Variants in ELP3 observed in about 807,000 individuals in gnomAD.
ELP3 encodes elongator complex protein 3.
Under a neutral mutation model 74.9 loss-of-function variants are expected in ELP3, and 56 were observed. That is an observed-to-expected ratio of 0.75 (90% CI 0.60 to 0.93). ELP3 has a LOEUF of 0.93. Ranked by LOEUF, ELP3 falls within the 40% of genes least tolerant of loss-of-function variation. ELP3 has a pLI of 0.00. For missense variants in ELP3, 573 were observed against 686.5 expected, an observed-to-expected ratio of 0.83 and a Z score of 1.85; for synonymous variants, 222 against 239.8, an observed-to-expected ratio of 0.93 and a Z score of 0.68.
chr8:28,189,978 T>C lies in ELP3; in HGVS notation c.*253T>C. On this transcript the variant is annotated 3_prime_UTR_variant, in exon 15 of 15. Transcript: ENST00000256398. The stretch of plus-strand genomic sequence containing the variant: ...TGAGGCTTAAATCATCTATCCAGTT[T>C]CTACATTTTGCATGAGGCCTGCAGG... 1 of 398,902 alleles carries C rather than the reference T, an allele frequency of 2.5e-6. No homozygotes were observed. Among genetic ancestry groups the C allele is most frequent in the Non-Finnish European group, 4.5e-6 (1 of 220,804 alleles). The allele number at this position is 398,902 out of a possible 1,614,324, so 24.7% of individuals were successfully genotyped here. A position where few individuals can be genotyped will look rare whatever the true frequency, so the allele number is the denominator to read the frequency against.
chr8:28,172,131 G>A (rs545616059), intron 14 of ELP3, among the ~76,000 whole-genome samples: 95 of 152,072 alleles, frequency 6.2e-4, no homozygotes, highest in African/African-American at 1.8e-3. Context: ...TGGCGATCCC[G>A]GGTTCCTTCA....
chr8:28,160,319 C>T lies in ELP3; in HGVS notation c.1348C>T (p.Leu450Phe). The change falls in exon 13 of 15, where the codon CTC (leucine) becomes TTC (phenylalanine). Residue 450 changes from leucine (L) to phenylalanine (F), a missense_variant. Leu to Phe is a conservative substitution (Grantham distance 22). Coordinates refer to ENST00000256398, the MANE Select transcript of ELP3 (RefSeq NM_018091.6). ...CCCAGATCAAGACATTTTGATTGGCCTCCTACGATTACGCAAGTGTTCAGA... is the reference window on the plus strand; with the variant it reads ...CCCAGATCAAGACATTTTGATTGGCTTCCTACGATTACGCAAGTGTTCAGA... The part of the protein sequence containing the change: ...EDPDQDILIG[L>F]LRLRKCSEET... 2 of 1,614,142 alleles carry T rather than the reference C, an allele frequency of 1.2e-6. No homozygotes were observed. Among genetic ancestry groups the T allele is most frequent in the South Asian group, 1.1e-5 (1 of 91,082 alleles).
rs557388129 is a variant in ELP3 at position 28,099,682 on chromosome 8, T to C, written c.120-146T>C. On this transcript the variant is annotated intron_variant, in intron 2 of 14. Coordinates refer to ENST00000256398, the MANE Select transcript of ELP3 (RefSeq NM_018091.6). ...GAATTTTATTCTTCTATTTCCCTGA[T>C]AGTCACAGATCTTAAAACTATCCTT... is the stretch of plus-strand genomic sequence containing the variant. 4.6e-6 allele frequency: 4 copies of C among 878,386 alleles called. No individual in the cohort carries two copies. In the East Asian group the frequency reaches 7.4e-5, roughly 16 times the overall value. 54.4% of individuals were successfully genotyped at this position (878,386 alleles called of 1,614,324 possible).
chr8:28,098,696 T>A (rs1811353444), intron 2 of ELP3, among the ~76,000 whole-genome samples: 1 of 152,258 alleles, frequency 6.6e-6, no homozygotes, highest in Non-Finnish European at 1.5e-5. Context: ...TTTAAACCTC[T>A]GTACCTTTAC....
At chr8:28,184,278 G>T (rs1375173600) in intron 14 of ELP3, among the ~76,000 whole-genome samples, 1 of 152,176 alleles carries the variant, frequency 6.6e-6, no homozygotes, top group Non-Finnish European at 1.5e-5. Flanking sequence ...CTTCTCAGAG[G>T]ACCTGGAGAC....
intron 2 of ELP3, among the ~76,000 whole-genome samples, chr8:28,099,357 T>C (rs1811381459): frequency 1.3e-5 from 2 of 152,162 alleles, no homozygotes; most frequent in African/African-American, 4.8e-5. Flanking sequence ...TTTGGCAATG[T>C]CTAGGGACAT....
chr8:28,103,100 G>A (rs1388041307), intron 3 of ELP3, among the ~76,000 whole-genome samples: 1 of 152,184 alleles, frequency 6.6e-6, no homozygotes, highest in Non-Finnish European at 1.5e-5. Flanking sequence ...AACCCAGGAG[G>A]CAGAGGTTGC....
intron 1 of ELP3, among the ~76,000 whole-genome samples, chr8:28,095,418 T>G (rs1811213945): frequency 6.6e-6 from 1 of 152,210 alleles, no homozygotes; most frequent in Admixed American, 6.5e-5. Context: ...CCTCCTTTTT[T>G]TCCTCCATGC....
At chr8:28,137,563 G>A (rs1156967750) in intron 9 of ELP3, 135 bp from the exon 10 acceptor site, 10 of 747,172 alleles carry the variant, frequency 1.3e-5, no homozygotes, top group East Asian at 5.2e-5. Flanking sequence ...CTGTCTGTAC[G>A]CCCTACCTGG....
intron 3 of ELP3, among the ~76,000 whole-genome samples, chr8:28,103,307 T>A (rs1811565029): frequency 6.6e-6 from 1 of 152,248 alleles, no homozygotes; most frequent in African/African-American, 2.4e-5. Context: ...GAGTGTCATG[T>A]ACAGTAATTG....
At position 28,160,345 on chromosome 8, in the gene ELP3, A is replaced by C. The variant is rs756472262; in HGVS notation, c.1374A>C (p.Glu458Asp). The change falls in exon 13 of 15, where the codon GAA becomes GAC. Residue 458 changes from glutamate (E) to aspartate (D), a missense_variant. Coordinates refer to ENST00000256398, the MANE Select transcript of ELP3 (RefSeq NM_018091.6). ...TCCTACGATTACGCAAGTGTTCAGAAGAAACTTTCCGTTTCGAATTGGGTG... is the reference window on the plus strand; with the variant it reads ...TCCTACGATTACGCAAGTGTTCAGACGAAACTTTCCGTTTCGAATTGGGTG... ...IGLLRLRKCS[E>D]ETFRFELGGG... The C allele has an allele frequency of 1.2e-6, 2 of 1,614,214 alleles. No homozygotes were observed. The highest frequency in any genetic ancestry group is 2.2e-5 in the South Asian group (2 of 91,086).
chr8:28,111,383 T>G (rs577036519), intron 6 of ELP3, among the ~76,000 whole-genome samples: 1 of 152,232 alleles, frequency 6.6e-6, no homozygotes, highest in Non-Finnish European at 1.5e-5. Flanking sequence ...ACTTGTCCAA[T>G]TTAAAAAATG....
At chr8:28,104,850 G>T (rs1029018212) in intron 3 of ELP3, among the ~76,000 whole-genome samples, 1 of 152,214 alleles carries the variant, frequency 6.6e-6, no homozygotes, top group East Asian at 1.9e-4. Context: ...GTTGTATGGA[G>T]AAATACTGAG....
Position 28,107,984 on chromosome 8 carries a change from A to T in ELP3, c.393+8A>T. ...TCTTACACTGGCTATGAGGTACAGT[A>T]ACTTTGAGGCTGTCCTGATGAAATG... On this transcript the variant is annotated splice_region_variant and intron_variant, in intron 5 of 14. Transcript: ENST00000256398. The T allele has an allele frequency of 6.2e-7, 1 of 1,611,394 alleles. No individual in the cohort carries two copies. Among genetic ancestry groups the T allele is most frequent in the Non-Finnish European group, 8.5e-7 (1 of 1,177,814 alleles).
At chr8:28,162,161 C>A in intron 14 of ELP3, 83 bp downstream of exon 14, 1 of 1,386,164 alleles carries the variant, frequency 7.2e-7, no homozygotes, top group Non-Finnish European at 1.0e-6. Context: ...TACCCTCTTG[C>A]CCCTGTTGAT....
chr8:28,175,468 A>G (rs963178304), intron 14 of ELP3, among the ~76,000 whole-genome samples: 14 of 152,136 alleles, frequency 9.2e-5, no homozygotes, highest in African/African-American at 3.4e-4. Flanking sequence ...CAGAATTTCT[A>G]TTTTTTAATA....
In ELP3 at chr8:28,160,356, G is replaced by A. The variant is rs190129217; in HGVS notation, c.1385G>A (p.Arg462His). ...CGCAAGTGTTCAGAAGAAACTTTCC[G>A]TTTCGAATTGGGTGGAGGTGTCTCC... Reference protein sequence around the residue: ...RLRKCSEETFRFELGGGVSIV... With the variant: ...RLRKCSEETFHFELGGGVSIV... The change falls in exon 13 of 15, where the codon CGT (arginine) becomes CAT (histidine). Residue 462 changes from arginine to histidine, a missense_variant. Coordinates refer to ENST00000256398, the MANE Select transcript of ELP3 (RefSeq NM_018091.6). The A allele has an allele frequency of 7.4e-5, 120 of 1,614,164 alleles. 1 individual carries two copies. Among genetic ancestry groups the A allele is most frequent in the Middle Eastern group, 3.3e-4 (2 of 6,060 alleles).
At chr8:28,153,524 A>T (rs771114326) in intron 10 of ELP3, among the ~76,000 whole-genome samples, 9 of 152,206 alleles carry the variant, frequency 5.9e-5, no homozygotes, top group Admixed American at 2.6e-4. Flanking sequence ...CGTCATAGGT[A>T]GGGAGGAAGT....
intron 3 of ELP3, among the ~76,000 whole-genome samples, chr8:28,106,366 C>T (rs1811688802): frequency 6.6e-6 from 1 of 151,646 alleles, no homozygotes; most frequent in Non-Finnish European, 1.5e-5. Flanking sequence ...CGGTGAAACC[C>T]CGTCTCTACT....
Sources: allele counts gnomAD v4.1 joint callset (sites outside exome capture counted in the v4.1 genomes callset), GRCh38; gene constraint gnomAD v4.1.1; transcripts MANE v1.5; gene names NCBI Gene and HGNC (gene_info 2026-07-23, HGNC 2026-07-21).